TBL1Y: variants seen among roughly 807,000 people sequenced by gnomAD.
TBL1Y encodes transducin beta like 1 Y-linked.
In TBL1Y, 15 loss-of-function variants were observed where a neutral mutation model predicts 12.0. That is an observed-to-expected ratio of 1.25 (90% confidence interval 0.83 to 1.92). The LOEUF is 1.92. Ranked by LOEUF, TBL1Y falls within the 40% of genes most tolerant of loss-of-function variation. TBL1Y has a pLI of 0.00. For missense variants in TBL1Y, 148 were observed against 116.7 expected (o/e 1.27, Z -1.24); for synonymous variants, 53 against 42.6 (o/e 1.24, Z -0.95).
chrY:6,937,398 C>G (rs1603026930), intron 2 of TBL1Y, among the ~76,000 whole-genome samples: 4 of 33,309 alleles, frequency 1.2e-4, no homozygotes, highest in African/African-American at 4.7e-4. Flanking sequence ...TGGTGAAACC[C>G]TGTTTCTACT....
intron 5 of TBL1Y, among the ~76,000 whole-genome samples, chrY:7,023,991 C>T (rs2012597378): frequency 1.2e-4 from 4 of 33,576 alleles, no homozygotes; most frequent in Non-Finnish European, 2.9e-4. Flanking sequence ...TAAGTGAGAA[C>T]ATGTGGTGTT....
chrY:6,978,510 G>A (rs1005522504), intron 3 of TBL1Y, among the ~76,000 whole-genome samples: 1 of 33,887 alleles, frequency 3.0e-5, no homozygotes, highest in African/African-American at 1.2e-4. Context: ...TGTAGACAGC[G>A]CTTTGAGACA....
In TBL1Y at chrY:7,074,564, C is replaced by A; in HGVS notation, c.899C>A (p.Thr300Lys). Residue 300 changes from threonine to lysine, a missense_variant, in exon 13 of 19, where the codon ACA becomes AAA. Transcript: ENST00000383032. ...YVLSAGVDKT[T>K]IIWDAHTGEA... ...TCCTTTGTTTGCGGAGCACAGACAA[C>A]AATAATTTGGGATGCTCACACAGGA... The A allele has an allele frequency of 2.5e-6, 1 of 395,623 alleles. No individual in the cohort carries two copies. The highest frequency in any genetic ancestry group is 3.5e-6 in the Non-Finnish European group (1 of 282,810).
chrY:7,046,085 A>AT (rs2012756521), intron 7 of TBL1Y, among the ~76,000 whole-genome samples: 1 of 33,186 alleles, frequency 3.0e-5, no homozygotes, highest in Admixed American at 2.8e-4. Flanking sequence ...GTCTCAGCAC[A>AT]TTATTCATAG....
intron 2 of TBL1Y, among the ~76,000 whole-genome samples, chrY:6,922,993 C>T: frequency 2.9e-5 from 1 of 34,387 alleles, no homozygotes; most frequent in Non-Finnish European, 7.3e-5. Context: ...GCTCCGGCCT[C>T]CGCTAGTTCC....
chrY:7,047,566 G>A, intron 7 of TBL1Y, among the ~76,000 whole-genome samples: 2 of 32,840 alleles, frequency 6.1e-5, no homozygotes, highest in Non-Finnish European at 1.5e-4. Flanking sequence ...AACATTAGAT[G>A]TATCCTCTTG....
intron 3 of TBL1Y, among the ~76,000 whole-genome samples, chrY:6,986,668 G>A: frequency 3.4e-5 from 1 of 29,811 alleles, no homozygotes; most frequent in Non-Finnish European, 7.9e-5. Flanking sequence ...GAATCCTGAC[G>A]TCCATAGGAT....
At chrY:7,032,716 G>A (rs977637671) in intron 6 of TBL1Y, among the ~76,000 whole-genome samples, 2 of 33,831 alleles carry the variant, frequency 5.9e-5, no homozygotes, top group African/African-American at 1.2e-4. Flanking sequence ...CTGCTCAGCT[G>A]TGAAAAGGAA....
At chrY:7,037,512 G>A (rs1030570981) in intron 6 of TBL1Y, among the ~76,000 whole-genome samples, 8 of 33,020 alleles carry the variant, frequency 2.4e-4, no homozygotes, top group Non-Finnish European at 3.7e-4. Flanking sequence ...AGTTACGTTG[G>A]TGTATGTGGA....
chrY:7,027,112 C>T, intron 6 of TBL1Y, among the ~76,000 whole-genome samples: 5 of 32,500 alleles, frequency 1.5e-4, no homozygotes, highest in Non-Finnish European at 3.0e-4. Context: ...ATGTTGCCCA[C>T]GTTGGTCTGG....
intron 2 of TBL1Y, among the ~76,000 whole-genome samples, chrY:6,970,324 C>T (rs760478582): frequency 3.0e-5 from 1 of 33,544 alleles, no homozygotes; most frequent in African/African-American, 1.2e-4. Context: ...TGAAGTCTTG[C>T]TCTTTCACCC....
At chrY:7,063,520 GTAAT>G (rs2012909827) in intron 7 of TBL1Y, among the ~76,000 whole-genome samples, 10 of 32,495 alleles carry the variant, frequency 3.1e-4, no homozygotes, top group African/African-American at 8.6e-4. Context: ...GATGGAGTAG[GTAAT>G]CGGAATGAGT....
intron 12 of TBL1Y, among the ~76,000 whole-genome samples, chrY:7,073,849 A>G (rs2013047330): frequency 3.0e-5 from 1 of 33,336 alleles, no homozygotes; most frequent in Non-Finnish European, 7.4e-5. Context: ...AGTCCATAAG[A>G]ATTCATGATC....
intron 4 of TBL1Y, among the ~76,000 whole-genome samples, chrY:7,003,019 AT>A (rs1404987550): frequency 5.9e-5 from 2 of 33,883 alleles, no homozygotes. Flanking sequence ...ATGAGCTGTT[AT>A]TATTATTTTG....
chrY:7,018,672 AG>A (rs2012566367), intron 4 of TBL1Y, among the ~76,000 whole-genome samples: 1 of 32,776 alleles, frequency 3.1e-5, no homozygotes, highest in South Asian at 7.2e-4. Flanking sequence ...AGGGTCAGAC[AG>A]GCTCTCAAGC....
At chrY:7,009,090 G>A in intron 4 of TBL1Y, among the ~76,000 whole-genome samples, 2 of 33,669 alleles carry the variant, frequency 5.9e-5, no homozygotes, top group Non-Finnish European at 1.5e-4. Context: ...AGGGGATCAC[G>A]TGTCACCCAC....
intron 6 of TBL1Y, among the ~76,000 whole-genome samples, chrY:7,034,961 C>T (rs2012679714): frequency 3.0e-5 from 1 of 33,286 alleles, no homozygotes; most frequent in South Asian, 6.8e-4. Flanking sequence ...CCAAGATAGA[C>T]AAATAGGATC....
intron 7 of TBL1Y, among the ~76,000 whole-genome samples, chrY:7,062,047 G>C: frequency 3.1e-5 from 1 of 32,389 alleles, no homozygotes; most frequent in Non-Finnish European, 7.5e-5. Context: ...CTAAGAGTCA[G>C]GGTTATGAGG....
At chrY:7,081,681 G>A in intron 14 of TBL1Y, among the ~76,000 whole-genome samples, 1 of 32,888 alleles carries the variant, frequency 3.0e-5, no homozygotes, top group Non-Finnish European at 7.4e-5. Flanking sequence ...GAAGGTAAAA[G>A]GTGAGCAGGT....
Sources: gnomAD v4.1 joint callset for allele counts (sites outside exome capture counted in the v4.1 genomes callset) on GRCh38, gnomAD v4.1.1 for gene constraint, MANE v1.5 for transcripts, NCBI Gene and HGNC (gene_info 2026-07-23, HGNC 2026-07-21) for gene names.